HPSE2: variants seen among roughly 807,000 people sequenced by gnomAD.
HPSE2 encodes heparanase 2 (inactive).
In HPSE2, 38 loss-of-function variants were observed where a neutral mutation model predicts 60.5. That is an observed-to-expected ratio of 0.63 (90% CI 0.48 to 0.82). The LOEUF (loss-of-function observed/expected upper bound fraction) is 0.82, where lower values mean the gene tolerates loss of function less well. Among genes scored for constraint, HPSE2 ranks in the 40% least tolerant of loss-of-function variants. The pLI, the probability that HPSE2 is intolerant of heterozygous loss-of-function variation, is 0.00. For synonymous variants in HPSE2, 295 were observed against 293.2 expected (o/e 1.01, Z -0.06); for missense variants, 713 against 740.4 (o/e 0.96, Z 0.43).
chr10:99,176,301 A>C (rs1847524212), intron 2 of HPSE2, among the ~76,000 whole-genome samples: 1 of 152,168 alleles, frequency 6.6e-6, no homozygotes, highest in Non-Finnish European at 1.5e-5. Flanking sequence ...AAGCTTCAGA[A>C]GGTGGGTAAT....
intron 3 of HPSE2, among the ~76,000 whole-genome samples, chr10:99,101,678 T>C (rs1843997552): frequency 6.6e-6 from 1 of 152,202 alleles, no homozygotes; most frequent in Non-Finnish European, 1.5e-5. Flanking sequence ...CAACAGAATA[T>C]ACATTCTTCT....
intron 3 of HPSE2, among the ~76,000 whole-genome samples, chr10:98,879,159 G>A (rs1462296005): frequency 6.6e-6 from 1 of 152,038 alleles, no homozygotes; most frequent in East Asian, 1.9e-4. Flanking sequence ...GAGCTCAGGA[G>A]GAGAGTGCCA....
chr10:99,076,585 G>A (rs1275832578), intron 3 of HPSE2, among the ~76,000 whole-genome samples: 2 of 151,956 alleles, frequency 1.3e-5, no homozygotes, highest in African/African-American at 4.8e-5. Flanking sequence ...ACGGGCTTTT[G>A]TCACATTGGT....
intron 3 of HPSE2, among the ~76,000 whole-genome samples, chr10:99,106,638 T>A (rs1589666794): frequency 6.6e-6 from 1 of 151,794 alleles, no homozygotes; most frequent in Admixed American, 6.6e-5. Context: ...AATAATAATA[T>A]TAATAATGGC....
chr10:99,308,819 C>A, the HPSE2 span, among the ~76,000 whole-genome samples: 1 of 152,096 alleles, frequency 6.6e-6, no homozygotes, highest in Non-Finnish European at 1.5e-5. Flanking sequence ...CATTCTTGAA[C>A]AATTGTTGGC....
chr10:98,590,234 A>C (rs1449471731), intron 9 of HPSE2, among the ~76,000 whole-genome samples: 2 of 152,224 alleles, frequency 1.3e-5, no homozygotes, highest in Non-Finnish European at 2.9e-5. Flanking sequence ...CGAGGTCAGG[A>C]GATTGAGACC....
At chr10:98,620,504 C>T (rs1452359753) in intron 8 of HPSE2, 98 bp downstream of exon 8, 22 of 842,076 alleles carry the variant, frequency 2.6e-5, no homozygotes, top group East Asian at 1.0e-4. Flanking sequence ...GGGAAACATG[C>T]CTCACCCCTA....
At chr10:99,299,821 T>C in the HPSE2 span, among the ~76,000 whole-genome samples, 6 of 152,132 alleles carry the variant, frequency 3.9e-5, no homozygotes, top group Non-Finnish European at 7.4e-5. Context: ...CAGGGCTGTT[T>C]AGTTGAGGCA....
intron 9 of HPSE2, among the ~76,000 whole-genome samples, chr10:98,526,109 T>A (rs189912232): frequency 4.6e-5 from 7 of 152,214 alleles, no homozygotes; most frequent in African/African-American, 1.7e-4. Context: ...TTTCTGCTAT[T>A]TCTAGCCTGC....
At chr10:98,559,261 T>A (rs1944102265) in intron 9 of HPSE2, among the ~76,000 whole-genome samples, 1 of 152,084 alleles carries the variant, frequency 6.6e-6, no homozygotes, top group Admixed American at 6.5e-5. Context: ...TTCCTGACCT[T>A]AAGTGATCCA....
intron 4 of HPSE2, among the ~76,000 whole-genome samples, chr10:98,733,563 A>C (rs1309745026): frequency 6.6e-6 from 1 of 152,196 alleles, no homozygotes; most frequent in Non-Finnish European, 1.5e-5. Flanking sequence ...TAGATTTGGT[A>C]CTTACTGCTG....
At chr10:98,547,990 A>G (rs1943745122) in intron 9 of HPSE2, among the ~76,000 whole-genome samples, 1 of 152,206 alleles carries the variant, frequency 6.6e-6, no homozygotes, top group Non-Finnish European at 1.5e-5. Context: ...TTAAATACAT[A>G]TAATAGATTT....
intron 9 of HPSE2, among the ~76,000 whole-genome samples, chr10:98,561,426 A>G (rs1468336891): frequency 1.3e-5 from 2 of 152,182 alleles, no homozygotes; most frequent in Non-Finnish European, 2.9e-5. Context: ...AAGACTAAGG[A>G]TATAAAGAAA....
chr10:99,048,358 C>T, intron 3 of HPSE2: 1 of 275,790 alleles, frequency 3.6e-6, no homozygotes, highest in Non-Finnish European at 6.9e-6. Flanking sequence ...AGTACCTGCT[C>T]TCAAACTGAA....
intron 3 of HPSE2, among the ~76,000 whole-genome samples, chr10:99,036,144 G>A (rs866488957): frequency 6.6e-6 from 1 of 152,168 alleles, no homozygotes; most frequent in Admixed American, 6.5e-5. Context: ...GGGCCTAGGA[G>A]TTGGAGGCTG....
At chr10:98,932,078 C>T (rs951710554) in intron 3 of HPSE2, among the ~76,000 whole-genome samples, 6 of 143,494 alleles carry the variant, frequency 4.2e-5, no homozygotes, top group African/African-American at 1.4e-4. Context: ...CAGCTTTTGC[C>T]CATTTAGTAT....
chr10:98,965,476 G>T (rs1955790126), intron 3 of HPSE2, among the ~76,000 whole-genome samples: 1 of 151,846 alleles, frequency 6.6e-6, no homozygotes, highest in Admixed American at 6.6e-5. Context: ...CACATGGTAG[G>T]CATTCAATCA....
chr10:98,830,088 T>C (rs570668894), intron 3 of HPSE2, among the ~76,000 whole-genome samples: 6 of 151,956 alleles, frequency 3.9e-5, no homozygotes, highest in African/African-American at 1.4e-4. Context: ...ATTCACTCAT[T>C]CATTCATTCA....
At chr10:99,252,121 CT>C in the HPSE2 span, among the ~76,000 whole-genome samples, 7 of 152,026 alleles carry the variant, frequency 4.6e-5, no homozygotes, top group African/African-American at 1.7e-4. Flanking sequence ...CTTACATCCC[CT>C]CATGATAGAA....
Sources: gnomAD v4.1 joint callset for allele counts (sites outside exome capture counted in the v4.1 genomes callset) on GRCh38, gnomAD v4.1.1 for gene constraint, MANE v1.5 for transcripts, NCBI Gene and HGNC (gene_info 2026-07-23, HGNC 2026-07-21) for gene names.